The following SMIM24 variants were observed in gnomAD, a reference collection of about 807,000 sequenced individuals.
SMIM24 encodes the protein MAP17-related dimer.
In SMIM24, 6 loss-of-function variants were observed where a neutral mutation model predicts 10.8. That is an observed-to-expected ratio of 0.55 (90% CI 0.30 to 1.09). The LOEUF is 1.09. Ranked by LOEUF, SMIM24 falls within the 50% of genes least tolerant of loss-of-function variation. The pLI, the probability that SMIM24 is intolerant of heterozygous loss-of-function variation, is 0.06. For missense variants in SMIM24, 151 were observed against 153.4 expected (o/e 0.98, Z 0.08); for synonymous variants, 71 against 62.4 (o/e 1.14, Z -0.65).
At chr19:3,479,482 C>A (rs2082807993) in intron 1 of SMIM24, among the ~76,000 whole-genome samples, 1 of 141,252 alleles carries the variant, frequency 7.1e-6, no homozygotes, top group African/African-American at 2.7e-5. Context: ...GAGGGAGGGG[C>A]TTATAAAGGA....
At position 3,474,146 on chromosome 19, in the gene SMIM24, GA is replaced by G; in HGVS notation, c.*696del. On this transcript the variant is annotated 3_prime_UTR_variant, in exon 4 of 4. Transcript: ENST00000215531. ...CCACCCTCCAAGATACAGCTCCCAG[GA>G]AAAAAGTCACGTGCCCCAAAACAAA... The G allele has an allele frequency of 6.6e-6, 1 of 152,472 alleles. No homozygotes were observed. The highest frequency in any genetic ancestry group is 1.5e-5 in the Non-Finnish European group (1 of 68,188). 9.4% of individuals were successfully genotyped at this position (152,472 alleles called of 1,614,324 possible). A position where few individuals can be genotyped will look rare whatever the true frequency, so the allele number is the denominator to read the frequency against.
At position 3,480,496 on chromosome 19, in the gene SMIM24, CG is replaced by C; in HGVS notation, c.-34del. The C allele has an allele frequency of 6.5e-7, 1 of 1,546,286 alleles. No homozygotes were observed. Among genetic ancestry groups the C allele is most frequent in the Non-Finnish European group, 8.7e-7 (1 of 1,144,534 alleles). On this transcript the variant is annotated 5_prime_UTR_variant, in exon 1 of 4. Transcript: ENST00000215531. Reference sequence around the variant, plus strand: ...GAGTGAGCCAGCAGCCAGCCAGCGGCGGTCCCGGGTCGGCGTCCACAGGTTT... The same window carrying C: ...GAGTGAGCCAGCAGCCAGCCAGCGGCGTCCCGGGTCGGCGTCCACAGGTTT...
At chr19:3,478,778 G>T (rs1221147234) in intron 2 of SMIM24, 40 bp downstream of exon 2, 2 of 1,437,636 alleles carry the variant, frequency 1.4e-6, no homozygotes, top group Non-Finnish European at 1.9e-6. Flanking sequence ...GGGGGTGGGG[G>T]CAGGGCTGTG....
rs796377093 is a variant in SMIM24 at position 3,478,471 on chromosome 19, C to T, written c.187G>A (p.Asp63Asn). ...ATTCTGAACGTGGTCTCCTCCTCGT[C>T]CTCAGCCCTGCAGAGATAAAGGGAA... ...RLWCSKARAE[D>N]EEETTFRMES... The change falls in exon 3 of 4, where the codon GAC becomes AAC. Residue 63 changes from aspartate (D) to asparagine (N), a missense_variant. By Grantham distance (23) the Asp-to-Asn change is conservative. Transcript: ENST00000215531. 1.9e-6 allele frequency: 3 copies of T among 1,548,980 alleles called. No individual in the cohort carries two copies. Among genetic ancestry groups the T allele is most frequent in the East Asian group, 2.4e-5 (1 of 40,878 alleles).
intron 3 of SMIM24, among the ~76,000 whole-genome samples, chr19:3,475,939 C>T (rs912421192): frequency 2.0e-5 from 3 of 151,026 alleles, no homozygotes; most frequent in African/African-American, 7.3e-5. Context: ...TAAGTAGTTA[C>T]ATGAATGGAC....
intron 3 of SMIM24, among the ~76,000 whole-genome samples, 162 bp downstream of exon 3, chr19:3,478,257 A>G (rs940358096): frequency 5.3e-5 from 8 of 152,096 alleles, no homozygotes; most frequent in Non-Finnish European, 8.8e-5. Flanking sequence ...CTGACTAGGG[A>G]CTGGAGGAGG....
At chr19:3,475,803 G>A (rs2082789942) in intron 3 of SMIM24, among the ~76,000 whole-genome samples, 1 of 151,602 alleles carries the variant, frequency 6.6e-6, no homozygotes, top group Non-Finnish European at 1.5e-5. Flanking sequence ...TGAGTGTGTG[G>A]GTGGGCGGAT....
Position 3,474,853 on chromosome 19 carries a change from GTGCTCTT to G in SMIM24, c.376_382del (p.Lys126GlnfsTer34). On this transcript the variant is annotated frameshift_variant, in exon 4 of 4. Transcript: ENST00000215531. LOFTEE classifies it high-confidence loss of function. ...GGCAGCCAGGAATCTTCACATGACTGTGCTCTTTGCTCTCTCATGGTCTCCGGGCTCT... is the reference window on the plus strand; with the variant it reads ...GGCAGCCAGGAATCTTCACATGACTGTGCTCTCTCATGGTCTCCGGGCTCT... The G allele has an allele frequency of 1.3e-6, 2 of 1,551,374 alleles. No homozygotes were observed. Among genetic ancestry groups the G allele is most frequent in the Non-Finnish European group, 1.7e-6 (2 of 1,146,948 alleles).
chr19:3,474,929 C>T lies in SMIM24; in HGVS notation c.307G>A (p.Ala103Thr). ...EEKRKKEKKT[A>T]KEGESNLGLD... ...CCCAAGTTGCTCTCTCCTTCCTTTG[C>T]TGTCTTTTTCTCCTTCTTCCTCTTC... is the stretch of plus-strand genomic sequence containing the variant. Residue 103 changes from alanine to threonine, a missense_variant, in exon 4 of 4, where the codon GCA becomes ACA. By Grantham distance (58) the Ala-to-Thr change is moderately conservative. Coordinates refer to ENST00000215531, the MANE Select transcript of SMIM24 (RefSeq NM_001136503.2). 6.4e-7 allele frequency: 1 copy of T among 1,551,702 alleles called. No homozygotes were observed. Among genetic ancestry groups the T allele is most frequent in the South Asian group, 1.2e-5 (1 of 84,060 alleles).
At chr19:3,477,291 G>A (rs2082797069) in intron 3 of SMIM24, among the ~76,000 whole-genome samples, 1 of 143,116 alleles carries the variant, frequency 7.0e-6, no homozygotes, top group Non-Finnish European at 1.5e-5. Context: ...TGGATGGATG[G>A]ATGGATGGAT....
At position 3,478,868 on chromosome 19, in the gene SMIM24, G is replaced by A. The variant is rs769350431; in HGVS notation, c.129C>T (p.Phe43=). The part of the protein sequence containing the change: ...VGLAAVVGFL[F]IVYLVLLANR... ...TGGCCAGCAAGACCAAATAGACGAT[G>A]AACAGGAAGCCGACTACCGCAGCCA... The change falls in exon 2 of 4, where the codon TTC becomes TTT. Residue 43 remains phenylalanine (F), a synonymous_variant. Transcript: ENST00000215531. 243 of 1,549,874 alleles carry A rather than the reference G, an allele frequency of 1.6e-4. 2 individuals are homozygous for A. Among genetic ancestry groups the A allele is most frequent in the South Asian group, 3.0e-4 (25 of 84,050 alleles).
chr19:3,480,253 G>A (rs2082813204), intron 1 of SMIM24, 144 bp downstream of exon 1: 2 of 863,286 alleles, frequency 2.3e-6, no homozygotes, highest in African/African-American at 1.7e-5. Context: ...GGGCGGTACT[G>A]CGGGGGTTGA....
intron 1 of SMIM24, among the ~76,000 whole-genome samples, chr19:3,480,055 C>A (rs1306504941): frequency 1.4e-5 from 2 of 138,006 alleles, no homozygotes; most frequent in African/African-American, 5.5e-5. Context: ...TGAGAAGGAG[C>A]GGTTCACAAA....
chr19:3,479,036 C>G lies in SMIM24; in HGVS notation c.68-107G>C, dbSNP rs985763312. On this transcript the variant is annotated intron_variant, in intron 1 of 3. Coordinates refer to ENST00000215531, the MANE Select transcript of SMIM24 (RefSeq NM_001136503.2). The stretch of plus-strand genomic sequence containing the variant: ...GAGAAGGTCACTGGGGGTGCTCCGA[C>G]AGAGGGGGTATTGGAAAGGGACGGA... 133 of 844,476 alleles carry G rather than the reference C, an allele frequency of 1.6e-4. No homozygotes were observed. In the African/African-American group the frequency reaches 1.8e-3, roughly 12 times the overall value. 52.3% of individuals were successfully genotyped at this position (844,476 alleles called of 1,614,324 possible). A position where few individuals can be genotyped will look rare whatever the true frequency, so the allele number is the denominator to read the frequency against.
rs117715469 is a variant in SMIM24, at chr19:3,476,929, G to A, written c.239+1490C>T. Among the ~76,000 whole-genome samples the A allele has an allele frequency of 9.1e-3, 1,376 of 150,908 alleles. 15 individuals carry two copies. Among genetic ancestry groups the A allele is most frequent in the Non-Finnish European group, 0.016 (1,072 of 67,646 alleles). ...ATGGATGATGGATTGATGGGTGGATGAATAGATGGGTGGGTGGATGGATGG... is the reference window on the plus strand; with the variant it reads ...ATGGATGATGGATTGATGGGTGGATAAATAGATGGGTGGGTGGATGGATGG... On this transcript the variant is annotated intron_variant, in intron 3 of 3. Coordinates refer to ENST00000215531, the MANE Select transcript of SMIM24 (RefSeq NM_001136503.2).
intron 1 of SMIM24, 70 bp downstream of exon 1, chr19:3,480,327 A>G: frequency 2.2e-6 from 3 of 1,346,172 alleles, no homozygotes; most frequent in Non-Finnish European, 2.0e-6. Flanking sequence ...GCCATGGAAA[A>G]TTGGGAGATG....
intron 2 of SMIM24, 48 bp downstream of exon 2, chr19:3,478,770 G>T: frequency 7.1e-7 from 1 of 1,418,344 alleles, no homozygotes; most frequent in Non-Finnish European, 9.6e-7. Flanking sequence ...GGGAAGCTGG[G>T]GGTGGGGGCA....
At position 3,478,800 on chromosome 19, in the gene SMIM24, G is replaced by A. The variant is rs778961545; in HGVS notation, c.179+18C>T. On this transcript the variant is annotated intron_variant, in intron 2 of 3. Transcript: ENST00000215531. ...GGGGCAGGGCTGTGGGGGCAGCGGG[G>A]TGGGGGCGGGCACCCACCTGGCCTT... is the stretch of plus-strand genomic sequence containing the variant. The A allele has an allele frequency of 2.6e-6, 4 of 1,530,998 alleles. No homozygotes were observed. Among genetic ancestry groups the A allele is most frequent in the Admixed American group, 4.0e-5 (2 of 50,358 alleles). 94.8% of individuals were successfully genotyped at this position (1,530,998 alleles called of 1,614,324 possible).
intron 1 of SMIM24, 93 bp from the exon 2 acceptor site, chr19:3,479,022 T>G: frequency 1.0e-6 from 1 of 978,194 alleles, no homozygotes; most frequent in Non-Finnish European, 1.5e-6. Context: ...AGAAGGTCAC[T>G]GGGGGTGCTC....
Sources: allele counts gnomAD v4.1 joint callset (sites outside exome capture counted in the v4.1 genomes callset), GRCh38; gene constraint gnomAD v4.1.1; transcripts MANE v1.5; gene names NCBI Gene and HGNC (gene_info 2026-07-23, HGNC 2026-07-21).